The following TMPRSS12 variants were observed in gnomAD, a reference collection of about 807,000 sequenced individuals.
TMPRSS12 encodes transmembrane serine protease 12, also known as transmembrane protease serine 12.
A neutral mutation model predicts 26.0 loss-of-function variants in TMPRSS12; 25 were observed. The ratio of observed to expected loss-of-function variants is 0.96; its 90% CI spans 0.70 to 1.34. The LOEUF is 1.34. Among genes scored for constraint, TMPRSS12 ranks in the 40% most tolerant of loss-of-function variants. The pLI, the probability that TMPRSS12 is intolerant of heterozygous loss-of-function variation, is 0.00. For missense variants in TMPRSS12, 441 were observed against 440.1 expected (o/e 1.00, Z -0.02); for synonymous variants, 150 against 161.7 (o/e 0.93, Z 0.55).
intron 2 of TMPRSS12, among the ~76,000 whole-genome samples, chr12:50,847,121 C>A (rs547913041): frequency 7.7e-5 from 11 of 142,416 alleles, no homozygotes; most frequent in Non-Finnish European, 1.7e-4. Flanking sequence ...TGCAGTGGCG[C>A]GATCTCGGCT....
intron 2 of TMPRSS12, chr12:50,848,094 T>C (rs889844244): frequency 2.0e-5 from 3 of 151,814 alleles, no homozygotes; most frequent in African/African-American, 7.3e-5. Context: ...GTGATAACTT[T>C]ATGTTTTAAG....
chr12:50,850,800 C>G (rs906390817), intron 2 of TMPRSS12, among the ~76,000 whole-genome samples: 8 of 152,178 alleles, frequency 5.3e-5, no homozygotes, highest in African/African-American at 1.4e-4. Context: ...CAGCATCCCT[C>G]ATTGCAGCCT....
chr12:50,870,118 C>T (rs978552913), intron 3 of TMPRSS12, among the ~76,000 whole-genome samples: 4 of 151,880 alleles, frequency 2.6e-5, no homozygotes, highest in Admixed American at 6.6e-5. Context: ...TGCTTGAACC[C>T]GGGAGGCAGA....
intron 3 of TMPRSS12, among the ~76,000 whole-genome samples, chr12:50,863,383 G>A (rs921967724): frequency 2.6e-5 from 4 of 151,492 alleles, no homozygotes; most frequent in African/African-American, 9.7e-5. Context: ...ACATACATGT[G>A]AACATACACT....
At chr12:50,882,895 C>T (rs1938189825) in intron 3 of TMPRSS12, among the ~76,000 whole-genome samples, 1 of 152,210 alleles carries the variant, frequency 6.6e-6, no homozygotes, top group Non-Finnish European at 1.5e-5. Flanking sequence ...AAGGAATATA[C>T]TCCAGCTCAG....
At chr12:50,872,649 C>CAT (rs146159837) in intron 3 of TMPRSS12, among the ~76,000 whole-genome samples, 20,438 of 51,988 alleles carry the variant, frequency 0.39, 6,487 homozygotes, top group Non-Finnish European at 0.5. Flanking sequence ...CGTATATGTA[C>CAT]ATATATGACG....
At chr12:50,849,276 T>C (rs559513425) in intron 2 of TMPRSS12, among the ~76,000 whole-genome samples, 15 of 151,252 alleles carry the variant, frequency 9.9e-5, no homozygotes, top group African/African-American at 3.4e-4. Flanking sequence ...TACTAAAACC[T>C]AGAGGCTTTT....
chr12:50,851,638 A>G (rs1316297745), intron 2 of TMPRSS12, among the ~76,000 whole-genome samples: 2 of 152,242 alleles, frequency 1.3e-5, no homozygotes, highest in African/African-American at 4.8e-5. Flanking sequence ...TACTGTCCAT[A>G]AAAATTTCTG....
chr12:50,884,979 G>A (rs957948105), intron 3 of TMPRSS12, among the ~76,000 whole-genome samples: 4 of 152,124 alleles, frequency 2.6e-5, no homozygotes, highest in African/African-American at 9.7e-5. Context: ...AGGAGGCAGA[G>A]GTTGCAGTGA....
In TMPRSS12 at chr12:50,868,223, C is replaced by T. The variant is rs1174451813; in HGVS notation, c.652+9170C>T. 2.6e-5 allele frequency among the ~76,000 whole-genome samples: 4 copies of T among 152,244 alleles called. No homozygotes were observed. In the East Asian group the frequency reaches 7.7e-4, roughly 29 times the overall value. On this transcript the variant is annotated intron_variant, in intron 3 of 4. Transcript: ENST00000398458. ...AACTGCAGACTGGATGAGAACTCAC[C>T]AACCAACTATCTGCTGCCTTCAAGA...
In TMPRSS12 at chr12:50,887,801, G is replaced by C. The variant is rs1462410301; in HGVS notation, c.*288G>C. 1 of 218,594 alleles carries C rather than the reference G, an allele frequency of 4.6e-6. No individual in the cohort carries two copies. Among genetic ancestry groups the C allele is most frequent in the African/African-American group, 2.3e-5 (1 of 44,050 alleles). The allele number at this position is 218,594 out of a possible 1,614,324, so 13.5% of individuals were successfully genotyped here. On this transcript the variant is annotated 3_prime_UTR_variant, in exon 5 of 5. Coordinates refer to ENST00000398458, the MANE Select transcript of TMPRSS12 (RefSeq NM_182559.3). ...AAACATATATTTTATGTGTATAAATGCCAAATAATAGTTTATAATTAAAAT... is the reference window on the plus strand; with the variant it reads ...AAACATATATTTTATGTGTATAAATCCCAAATAATAGTTTATAATTAAAAT...
intron 3 of TMPRSS12, among the ~76,000 whole-genome samples, chr12:50,870,049 C>T (rs1209271178): frequency 6.6e-6 from 1 of 152,166 alleles, no homozygotes; most frequent in Non-Finnish European, 1.5e-5. Context: ...TGCCACTGCA[C>T]TCCAGCCTGG....
At chr12:50,884,898 G>A (rs970784988) in intron 3 of TMPRSS12, among the ~76,000 whole-genome samples, 1 of 144,516 alleles carries the variant, frequency 6.9e-6, no homozygotes, top group African/African-American at 2.6e-5. Context: ...AAAAAAATTA[G>A]CCAGGTGTGG....
rs148402287 is a variant in TMPRSS12, at chr12:50,880,618, A to G, written c.653-4628A>G. Among the ~76,000 whole-genome samples, 443 of 146,718 alleles carry G rather than the reference A, an allele frequency of 3.0e-3. 3 individuals carry two copies. Among genetic ancestry groups the G allele is most frequent in the African/African-American group, 0.01 (416 of 40,336 alleles). ...ACTTACCCTGTTAAGCATAGTTACC[A>G]TATGACCTAGCAATTCCATTCCTGG... On this transcript the variant is annotated intron_variant, in intron 3 of 4. Coordinates refer to ENST00000398458, the MANE Select transcript of TMPRSS12 (RefSeq NM_182559.3).
Position 50,887,568 on chromosome 12 carries a change from C to CA in TMPRSS12, c.*55_*56insA. 2 of 1,556,158 alleles carry CA rather than the reference C, an allele frequency of 1.3e-6. No homozygotes were observed. Among genetic ancestry groups the CA allele is most frequent in the Non-Finnish European group, 1.7e-6 (2 of 1,155,756 alleles). On this transcript the variant is annotated 3_prime_UTR_variant, in exon 5 of 5. Coordinates refer to ENST00000398458, the MANE Select transcript of TMPRSS12 (RefSeq NM_182559.3). ...TTTGCATTGTGTCCCTTTCTATGTT[C>CA]TATATAATGAACATCATTTATTCTT...
intron 3 of TMPRSS12, among the ~76,000 whole-genome samples, chr12:50,881,945 C>T (rs529957692): frequency 8.1e-4 from 91 of 112,980 alleles, no homozygotes; most frequent in African/African-American, 2.7e-3. Context: ...CACTCCAGCC[C>T]AGGGCGAGAC....
At chr12:50,849,288 C>T (rs1160503549) in intron 2 of TMPRSS12, among the ~76,000 whole-genome samples, 1 of 152,054 alleles carries the variant, frequency 6.6e-6, no homozygotes, top group East Asian at 1.9e-4. Context: ...GAGGCTTTTT[C>T]GTACAGCCAG....
intron 2 of TMPRSS12, among the ~76,000 whole-genome samples, chr12:50,850,247 G>T (rs553197342): frequency 1.3e-5 from 2 of 152,084 alleles, no homozygotes; most frequent in Admixed American, 6.5e-5. Flanking sequence ...CATTCCCTTG[G>T]TGATAAGTGA....
intron 2 of TMPRSS12, among the ~76,000 whole-genome samples, chr12:50,849,515 C>CTCA (rs1366333318): frequency 4.6e-5 from 7 of 151,926 alleles, no homozygotes; most frequent in Admixed American, 1.3e-4. Context: ...CTTAAATCCT[C>CTCA]TCATGACCCT....
Sources: gnomAD v4.1 joint callset for allele counts (sites outside exome capture counted in the v4.1 genomes callset) on GRCh38, gnomAD v4.1.1 for gene constraint, MANE v1.5 for transcripts, NCBI Gene and HGNC (gene_info 2026-07-23, HGNC 2026-07-21) for gene names.